Variants in ALDH18A1 observed in about 807,000 individuals in gnomAD.
ALDH18A1 encodes the protein aldehyde dehydrogenase 18 family member A1.
ALDH18A1 carries 44 observed loss-of-function variants against 88.8 expected under a neutral mutation model. The observed-to-expected ratio is 0.50, with a 90% CI of 0.39 to 0.64. The LOEUF is 0.64. Ranked by LOEUF, ALDH18A1 falls within the 30% of genes least tolerant of loss-of-function variation. The probability of loss-of-function intolerance (pLI) is 0.00; values close to 1 mark genes in which losing one functional copy is unlikely to be tolerated. For missense variants in ALDH18A1, 782 were observed against 1,009.5 expected, an observed-to-expected ratio of 0.77 and a Z score of 3.05; for synonymous variants, 331 against 372.1, an observed-to-expected ratio of 0.89 and a Z score of 1.27.
chr10:95,653,007 CA>C (rs2097912812), intron 2 of ALDH18A1, among the ~76,000 whole-genome samples: 1 of 151,866 alleles, frequency 6.6e-6, no homozygotes, highest in South Asian at 2.1e-4. Flanking sequence ...GGCAACATGG[CA>C]AAATCGCATC....
chr10:95,626,347 A>G (rs1168615132), intron 10 of ALDH18A1, among the ~76,000 whole-genome samples: 1 of 152,096 alleles, frequency 6.6e-6, no homozygotes, highest in African/African-American at 2.4e-5. Flanking sequence ...CGAGCTTCCC[A>G]TCTTCTAGGC....
chr10:95,628,403 T>G lies in ALDH18A1; in HGVS notation c.898A>C (p.Lys300Gln), dbSNP rs1226153279. The G allele has an allele frequency of 1.2e-6, 2 of 1,614,178 alleles. No individual in the cohort carries two copies. The highest frequency in any genetic ancestry group is 2.2e-5 in the South Asian group (2 of 91,084). Residue 300 changes from lysine to glutamine, a missense_variant, in exon 8 of 18, where the codon AAG becomes CAG. Transcript: ENST00000371224. Reference protein sequence around the residue: ...GDQQSVTFGTKSRVGMGGMEA... With the variant: ...GDQQSVTFGTQSRVGMGGMEA... ...ATGCCACCCATTCCCACTCTAGACT[T>G]GGTTCCAAATGTCACAGACTGCTGA... is the stretch of plus-strand genomic sequence containing the variant.
rs1258297586 is a variant in ALDH18A1 at position 95,643,155 on chromosome 10, G to A, written c.140C>T (p.Pro47Leu). 4.3e-6 allele frequency: 7 copies of A among 1,614,076 alleles called. No individual in the cohort carries two copies. Among genetic ancestry groups the A allele is most frequent in the East Asian group, 2.2e-5 (1 of 44,904 alleles). ...IRHVRSWSNI[P>L]FITVPLSRTH... is the part of the protein sequence containing the mutation. Reference sequence around the variant, plus strand: ...ACGACTGAGGGGTACAGTGATAAACGGGATGTTGCTCCAAGAACGAACATG... The same window carrying A: ...ACGACTGAGGGGTACAGTGATAAACAGGATGTTGCTCCAAGAACGAACATG... The change falls in exon 3 of 18, where the codon CCG becomes CTG. Residue 47 changes from proline (P) to leucine (L), a missense_variant. Pro to Leu is a moderately conservative substitution (Grantham distance 98). Around this residue, in one of 3 missense-constraint regions of ALDH18A1, gnomAD observed 94 missense variants for 99.5 expected, o/e 0.94. Coordinates refer to ENST00000371224, the MANE Select transcript of ALDH18A1 (RefSeq NM_002860.4).
At chr10:95,625,296 T>C in intron 11 of ALDH18A1, 66 bp downstream of exon 11, 1 of 1,314,016 alleles carries the variant, frequency 7.6e-7, no homozygotes, top group Non-Finnish European at 1.1e-6. Context: ...GAATTATTAG[T>C]AAAACTAAAA....
intron 2 of ALDH18A1, among the ~76,000 whole-genome samples, chr10:95,651,814 T>C (rs2097910873): frequency 6.6e-6 from 1 of 152,196 alleles, no homozygotes; most frequent in Non-Finnish European, 1.5e-5. Flanking sequence ...GGGACATACA[T>C]TCAAACTATG....
chr10:95,631,742 C>CA (rs71034341), intron 7 of ALDH18A1, among the ~76,000 whole-genome samples: 4,562 of 76,300 alleles, frequency 0.06, 157 homozygotes, highest in African/African-American at 0.078. Context: ...GGCTCTGCCT[C>CA]AAAAAAAAAA....
rs375705932 is a variant in ALDH18A1, at chr10:95,611,268, C to A, written c.2098G>T (p.Val700Phe). The A allele has an allele frequency of 5.0e-6, 8 of 1,614,018 alleles. No individual in the cohort carries two copies. The highest frequency in any genetic ancestry group is 5.9e-6 in the Non-Finnish European group (7 of 1,179,976). The change falls in exon 16 of 18, where the codon GTC becomes TTC. Residue 700 changes from valine to phenylalanine, a missense_variant. By Grantham distance (50) the Val-to-Phe change is conservative (BLOSUM62 -1). This residue lies in a region of ALDH18A1 where 556 missense variants were observed against 654.5 expected (regional missense o/e 0.85). Coordinates refer to ENST00000371224, the MANE Select transcript of ALDH18A1 (RefSeq NM_002860.4). ...TCTGGACACTGACCGTCCTCTGTGA[C>A]GATGACATCCGTGTGGGAGCTGCCA... Reference protein sequence around the residue: ...KYGSSHTDVIVTEDENTAEFF... With the variant: ...KYGSSHTDVIFTEDENTAEFF...
intron 8 of ALDH18A1, among the ~76,000 whole-genome samples, chr10:95,628,015 A>G (rs952566665): frequency 1.3e-5 from 2 of 152,238 alleles, no homozygotes; most frequent in African/African-American, 4.8e-5. Flanking sequence ...TTACGGGTAT[A>G]ACTTCTAAGA....
intron 9 of ALDH18A1, among the ~76,000 whole-genome samples, 195 bp downstream of exon 9, chr10:95,627,247 A>G (rs2097861715): frequency 1.3e-5 from 2 of 149,362 alleles, no homozygotes; most frequent in South Asian, 4.1e-4. Flanking sequence ...TAACCGAGTG[A>G]TTTTGCAGAG....
chr10:95,620,939 A>T, intron 12 of ALDH18A1, 92 bp downstream of exon 12: 1 of 1,327,562 alleles, frequency 7.5e-7, no homozygotes, highest in East Asian at 2.5e-5. Flanking sequence ...TAAATTAAAA[A>T]AAAAAAAAAA....
At chr10:95,652,569 C>T (rs1207249348) in intron 2 of ALDH18A1, among the ~76,000 whole-genome samples, 1 of 151,980 alleles carries the variant, frequency 6.6e-6, no homozygotes, top group African/African-American at 2.4e-5. Context: ...AACCCTATTT[C>T]TACTAAAAAT....
Position 95,637,158 on chromosome 10 carries a change from CGGCAGCTGCACA to C in ALDH18A1, c.481_492del (p.Cys161_Ala164del). Reference sequence around the variant, plus strand: ...TACAAGGCCATCAGCCCACTCTGTCCGGCAGCTGCACAGGCTCGTGCCTCTAAGACTGGAATT... The same window carrying C: ...TACAAGGCCATCAGCCCACTCTGTCCGGCTCGTGCCTCTAAGACTGGAATT... On this transcript the variant is annotated inframe_deletion, in exon 5 of 18. Coordinates refer to ENST00000371224, the MANE Select transcript of ALDH18A1 (RefSeq NM_002860.4). The C allele has an allele frequency of 6.2e-7, 1 of 1,614,168 alleles. No individual in the cohort carries two copies. Among genetic ancestry groups the C allele is most frequent in the Non-Finnish European group, 8.5e-7 (1 of 1,180,042 alleles).
chr10:95,633,797 G>A, intron 5 of ALDH18A1, 148 bp from the exon 6 acceptor site: 1 of 649,524 alleles, frequency 1.5e-6, no homozygotes. Context: ...ACACATATCT[G>A]GGTGCTATCC....
chr10:95,628,340 A>T (rs1018082100), intron 8 of ALDH18A1, 28 bp downstream of exon 8: 1 of 1,613,944 alleles, frequency 6.2e-7, no homozygotes, highest in Non-Finnish European at 8.5e-7. Flanking sequence ...TAAAATTGTT[A>T]TAGGCAGTTA....
At chr10:95,626,371 T>G (rs563527543) in intron 10 of ALDH18A1, among the ~76,000 whole-genome samples, 1 of 152,268 alleles carries the variant, frequency 6.6e-6, no homozygotes, top group East Asian at 1.9e-4. Context: ...TCAGGGGATT[T>G]GGAATGGGGT....
chr10:95,638,495 A>G (rs191159129), intron 3 of ALDH18A1, among the ~76,000 whole-genome samples: 72 of 152,338 alleles, frequency 4.7e-4, no homozygotes, highest in African/African-American at 1.6e-3. Flanking sequence ...TGTGTAATGC[A>G]GAAGGCCTAG....
rs1351805901 is a variant in ALDH18A1, at chr10:95,628,478, G to T, written c.823C>A (p.Pro275Thr). 6.2e-7 allele frequency: 1 copy of T among 1,613,476 alleles called. No individual in the cohort carries two copies. Among genetic ancestry groups the T allele is most frequent in the African/African-American group, 1.3e-5 (1 of 74,888 alleles). Residue 275 changes from proline (P) to threonine (T), a missense_variant, in exon 8 of 18, where the codon CCC becomes ACC. Around this residue, in one of 3 missense-constraint regions of ALDH18A1, gnomAD observed 132 missense variants for 255.5 expected, o/e 0.52. Coordinates refer to ENST00000371224, the MANE Select transcript of ALDH18A1 (RefSeq NM_002860.4). ...LSDVEGLFDS[P>T]PGSDDAKLID... ...AGCTTTGCATCATCTGAACCTGGGG[G>T]GCTGTCAAAAAGGCCTAAAAAATAG...
rs754301597 is a variant in ALDH18A1, at chr10:95,606,820, T to C, written c.2330A>G (p.His777Arg). Residue 777 changes from histidine (H) to arginine (R), a missense_variant, in exon 18 of 18, where the codon CAT (histidine) becomes CGT (arginine). Physicochemically the swap from His to Arg is conservative, Grantham distance 29. Coordinates refer to ENST00000371224, the MANE Select transcript of ALDH18A1 (RefSeq NM_002860.4). Reference sequence around the variant, plus strand: ...CTCATGAAGATATTTTAAACTTCCATGCTCTGAGAAATCTGAGACCACGTG... The same window carrying C: ...CTCATGAAGATATTTTAAACTTCCACGCTCTGAGAAATCTGAGACCACGTG... ...KDHVVSDFSE[H>R]GSLKYLHENL... The C allele has an allele frequency of 6.8e-6, 11 of 1,614,106 alleles. No individual in the cohort carries two copies. The highest frequency in any genetic ancestry group is 1.6e-4 in the Middle Eastern group (1 of 6,084).
At chr10:95,624,271 G>A (rs1407132753) in intron 11 of ALDH18A1, among the ~76,000 whole-genome samples, 1 of 152,190 alleles carries the variant, frequency 6.6e-6, no homozygotes, top group African/African-American at 2.4e-5. Context: ...GAGAGGTATA[G>A]CTGGGATCAG....
Sources: gnomAD v4.1 joint callset for allele counts (sites outside exome capture counted in the v4.1 genomes callset) on GRCh38, gnomAD v4.1.1 for gene constraint, gnomAD v4.1.1 regional missense constraint, MANE v1.5 for transcripts, NCBI Gene and HGNC (gene_info 2026-07-23, HGNC 2026-07-21) for gene names.